DAPK1: variants seen among roughly 807,000 people sequenced by gnomAD.
The protein encoded by DAPK1 is death associated protein kinase 1.
DAPK1 carries 56 observed loss-of-function variants against 144.9 expected under a neutral mutation model. The ratio of observed to expected loss-of-function variants is 0.39; its 90% CI spans 0.31 to 0.48. The LOEUF (loss-of-function observed/expected upper bound fraction) is 0.48, where lower values mean the gene tolerates loss of function less well. DAPK1 is among the 20% of genes least tolerant of loss of function. The pLI is 0.95. For synonymous variants in DAPK1, 690 were observed against 749.0 expected (o/e 0.92, Z 1.29); for missense variants, 1,454 against 1,875.4 (o/e 0.78, Z 4.15).
In DAPK1 at chr9:87,707,196, C is replaced by A. The variant is rs767455722; in HGVS notation, c.4125C>A (p.Thr1375=). The A allele has an allele frequency of 2.5e-6, 4 of 1,614,168 alleles. No homozygotes were observed. The highest frequency in any genetic ancestry group is 3.4e-6 in the Non-Finnish European group (4 of 1,180,022). ...CCTACCCTGAGAGCACAGTGGGCAC[C>A]CTCATGTCCAAACTGAGGGAGCTGG... ...WTTYPESTVG[T]LMSKLRELGR... is the part of the protein sequence containing the mutation. The change falls in exon 26 of 26, where the codon ACC becomes ACA. Residue 1375 remains threonine, a synonymous_variant. Transcript: ENST00000408954. The surrounding 1 kb of genome is among the most constrained non-coding windows in gnomAD (Gnocchi z 4.0).
rs540747421 is a variant in DAPK1, at chr9:87,613,238, A to G, written c.284+8063A>G. ...ATGGTAAAACAACATACAGTTTACC[A>G]TCTTAACCATTTTTAAGTGCACAGT... is the stretch of plus-strand genomic sequence containing the variant. On this transcript the variant is annotated intron_variant, in intron 3 of 25. Coordinates refer to ENST00000408954, the MANE Select transcript of DAPK1 (RefSeq NM_004938.4). Among the ~76,000 whole-genome samples the G allele has an allele frequency of 5.3e-5, 8 of 152,348 alleles. No homozygotes were observed. The South Asian group carries it at 1.0e-3, about 20-fold the overall frequency.
At chr9:87,650,429 G>C (rs1830404730) in intron 16 of DAPK1, 1 of 304,072 alleles carries the variant, frequency 3.3e-6, no homozygotes, top group African/African-American at 2.2e-5. Flanking sequence ...TCTCATTGAG[G>C]ACTGACATTG....
chr9:87,660,801 A>C (rs1200187068), intron 18 of DAPK1, among the ~76,000 whole-genome samples: 1 of 152,146 alleles, frequency 6.6e-6, no homozygotes, highest in Non-Finnish European at 1.5e-5. Flanking sequence ...TGTTGCTACA[A>C]AGGACATGAT....
At chr9:87,557,132 G>A (rs796086170) in intron 2 of DAPK1, among the ~76,000 whole-genome samples, 4 of 152,306 alleles carry the variant, frequency 2.6e-5, no homozygotes, top group African/African-American at 7.2e-5. Context: ...CAACATCCTC[G>A]AAGCTCAGTG....
intron 25 of DAPK1, among the ~76,000 whole-genome samples, chr9:87,705,306 A>G (rs1386558276): frequency 1.3e-5 from 2 of 149,776 alleles, no homozygotes; most frequent in Admixed American, 6.7e-5. Context: ...CAGTGGCACA[A>G]TCTCGGCTCA....
intron 2 of DAPK1, among the ~76,000 whole-genome samples, chr9:87,515,183 G>T (rs1825001666): frequency 6.6e-6 from 1 of 152,192 alleles, no homozygotes; most frequent in Non-Finnish European, 1.5e-5. Context: ...TTTATGTAAA[G>T]ATAGTAAATA....
At chr9:87,570,733 T>C (rs943107058) in intron 2 of DAPK1, among the ~76,000 whole-genome samples, 2 of 152,094 alleles carry the variant, frequency 1.3e-5, no homozygotes, top group Non-Finnish European at 2.9e-5. Flanking sequence ...ATTCCAAAGA[T>C]TGAATTGCCT....
At chr9:87,629,321 G>A (rs1829586551) in intron 3 of DAPK1, among the ~76,000 whole-genome samples, 1 of 152,202 alleles carries the variant, frequency 6.6e-6, no homozygotes, top group African/African-American at 2.4e-5. Flanking sequence ...CACAGAGATT[G>A]CTGGCAAAGC....
At chr9:87,556,747 C>T (rs1383780930) in intron 2 of DAPK1, among the ~76,000 whole-genome samples, 1 of 152,230 alleles carries the variant, frequency 6.6e-6, no homozygotes, top group Non-Finnish European at 1.5e-5. Context: ...GCCTGTGTGG[C>T]TCCTCAGCCC....
intron 2 of DAPK1, among the ~76,000 whole-genome samples, chr9:87,570,526 T>C (rs993370278): frequency 7.9e-5 from 12 of 152,086 alleles, no homozygotes. Context: ...TTATTTTGTA[T>C]GTAAAAAAAA....
chr9:87,588,891 G>T (rs1362981423), intron 2 of DAPK1, among the ~76,000 whole-genome samples: 2 of 151,672 alleles, frequency 1.3e-5, no homozygotes, highest in Admixed American at 6.6e-5. Flanking sequence ...ATCTTTTTCT[G>T]GGGGGCGGGG....
intron 2 of DAPK1, among the ~76,000 whole-genome samples, chr9:87,500,271 A>G (rs193111279): frequency 6.6e-6 from 1 of 152,360 alleles, no homozygotes; most frequent in Non-Finnish European, 1.5e-5. Context: ...GACTGAAAAC[A>G]TAGATGGGGG....
At chr9:87,675,799 ATATT>A (rs1428229950) in intron 19 of DAPK1, among the ~76,000 whole-genome samples, 2 of 149,448 alleles carry the variant, frequency 1.3e-5, no homozygotes, top group Non-Finnish European at 3.0e-5. Flanking sequence ...TCCTGTGTAA[ATATT>A]TAAAGGATGT....
intron 2 of DAPK1, among the ~76,000 whole-genome samples, chr9:87,548,524 T>A (rs1160602939): frequency 6.6e-6 from 1 of 152,332 alleles, no homozygotes; most frequent in African/African-American, 2.4e-5. Context: ...AAAAGTGGAA[T>A]TGATTGATAC....
intron 2 of DAPK1, among the ~76,000 whole-genome samples, chr9:87,598,068 C>T (rs1190315863): frequency 6.6e-6 from 1 of 152,176 alleles, no homozygotes; most frequent in East Asian, 1.9e-4. Flanking sequence ...TAAATGTGAA[C>T]TATTATCAGA....
intron 22 of DAPK1, among the ~76,000 whole-genome samples, chr9:87,698,254 C>T (rs992343095): frequency 3.3e-5 from 5 of 152,128 alleles, no homozygotes; most frequent in Admixed American, 2.6e-4. Context: ...CTTTGTGTGA[C>T]TTGCAGGTCA....
chr9:87,561,119 T>G (rs1279619910), intron 2 of DAPK1, among the ~76,000 whole-genome samples: 2 of 152,196 alleles, frequency 1.3e-5, no homozygotes, highest in Non-Finnish European at 2.9e-5. Context: ...AAATATGAAA[T>G]TAAAATAGCG....
intron 2 of DAPK1, among the ~76,000 whole-genome samples, chr9:87,529,721 C>T (rs745912690): frequency 1.4e-4 from 22 of 152,264 alleles, no homozygotes; most frequent in Non-Finnish European, 2.8e-4. Flanking sequence ...GGACCCTTGA[C>T]TGCATTGAGG....
chr9:87,510,365 A>T (rs36228939), intron 2 of DAPK1, among the ~76,000 whole-genome samples: 1 of 152,216 alleles, frequency 6.6e-6, no homozygotes, highest in Non-Finnish European at 1.5e-5. Context: ...CATTCTCTTT[A>T]GTGCAGATAA....
Sources: allele counts gnomAD v4.1 joint callset (sites outside exome capture counted in the v4.1 genomes callset), GRCh38; gene constraint gnomAD v4.1.1; non-coding constraint Gnocchi (gnomAD v3.1); transcripts MANE v1.5; gene names NCBI Gene and HGNC (gene_info 2026-07-23, HGNC 2026-07-21).